The following ATXN1 variants were observed in gnomAD, a reference collection of about 807,000 sequenced individuals.
ATXN1 encodes the protein ataxin 1, also known as ataxin-1.
In ATXN1, 8 loss-of-function variants were observed where a neutral mutation model predicts 56.4. That is an observed-to-expected ratio of 0.14 (90% CI 0.08 to 0.26). ATXN1 has a LOEUF of 0.26. ATXN1 is among the 10% of genes least tolerant of loss of function. The pLI is 1.00. For missense variants in ATXN1, 987 were observed against 1,106.5 expected (o/e 0.89, Z 1.53); for synonymous variants, 514 against 494.6 (o/e 1.04, Z -0.52).
At chr6:16,558,346 T>C (rs1762052965) in intron 4 of ATXN1, among the ~76,000 whole-genome samples, 1 of 148,716 alleles carries the variant, frequency 6.7e-6, no homozygotes, top group Non-Finnish European at 1.5e-5. Context: ...TTTTACGATA[T>C]ATGAATCATA....
chr6:16,743,211 A>G (rs1309632776), intron 2 of ATXN1, among the ~76,000 whole-genome samples: 2 of 152,242 alleles, frequency 1.3e-5, no homozygotes, highest in Non-Finnish European at 2.9e-5. Context: ...TTGTGTGGTT[A>G]TAAGTGCAGT....
intron 6 of ATXN1, among the ~76,000 whole-genome samples, chr6:16,350,067 G>A (rs1761534466): frequency 6.6e-6 from 1 of 152,150 alleles, no homozygotes; most frequent in Non-Finnish European, 1.5e-5. Flanking sequence ...AATTCCCAAT[G>A]AAAGATAAAT....
chr6:16,717,513 A>G (rs1458852774), intron 2 of ATXN1, among the ~76,000 whole-genome samples: 2 of 152,246 alleles, frequency 1.3e-5, no homozygotes, highest in African/African-American at 4.8e-5. Flanking sequence ...TGATACCTGC[A>G]GCCAGAGAGC....
At position 16,470,894 on chromosome 6, in the gene ATXN1, C is replaced by T. The variant is rs114944342; in HGVS notation, c.-161+15078G>A. Among the ~76,000 whole-genome samples the T allele has an allele frequency of 5.2e-3, 785 of 152,154 alleles. 5 individuals carry two copies. The highest frequency in any genetic ancestry group is 9.5e-3 in the Non-Finnish European group (648 of 67,996). Reference sequence around the variant, plus strand: ...TTAGCCTTTGAAAAATGCAATTATCCTAGCCAAGGTCTCTATCAGCTTAAT... The same window carrying T: ...TTAGCCTTTGAAAAATGCAATTATCTTAGCCAAGGTCTCTATCAGCTTAAT... On this transcript the variant is annotated intron_variant, in intron 6 of 7. Coordinates refer to ENST00000436367, the MANE Select transcript of ATXN1 (RefSeq NM_001128164.2).
intron 6 of ATXN1, among the ~76,000 whole-genome samples, chr6:16,440,696 T>C (rs1759500367): frequency 6.9e-6 from 1 of 144,694 alleles, no homozygotes; most frequent in South Asian, 2.2e-4. Flanking sequence ...GGGAAGATGA[T>C]GGCACCAGTG....
intron 3 of ATXN1, among the ~76,000 whole-genome samples, chr6:16,640,088 G>A (rs191787857): frequency 4.8e-4 from 73 of 151,820 alleles, no homozygotes; most frequent in Non-Finnish European, 5.6e-4. Context: ...TTGAAGTTCT[G>A]TGGCAACCCC....
chr6:16,677,522 G>A (rs1057084641), intron 2 of ATXN1, among the ~76,000 whole-genome samples: 7 of 152,060 alleles, frequency 4.6e-5, no homozygotes, highest in African/African-American at 1.4e-4. Flanking sequence ...TCCACAAAGA[G>A]CAAAAAGATG....
At chr6:16,669,013 C>T (rs959534453) in intron 2 of ATXN1, among the ~76,000 whole-genome samples, 1 of 152,074 alleles carries the variant, frequency 6.6e-6, no homozygotes, top group Non-Finnish European at 1.5e-5. Flanking sequence ...GTGCTGTACA[C>T]TTTGTATAAA....
chr6:16,652,338 G>A (rs1763909306), intron 3 of ATXN1, among the ~76,000 whole-genome samples: 2 of 152,172 alleles, frequency 1.3e-5, no homozygotes, highest in Admixed American at 1.3e-4. Context: ...GATTTAGGTG[G>A]CTGTTTGGAA....
chr6:16,646,588 C>T (rs1232598597), intron 3 of ATXN1, among the ~76,000 whole-genome samples: 3 of 152,240 alleles, frequency 2.0e-5, no homozygotes, highest in East Asian at 3.8e-4. Context: ...CCACAGCTTT[C>T]CTCAAATATG....
rs189946004 is a variant in ATXN1 at position 16,609,734 on chromosome 6, T to C, written c.-488-23827A>G. The stretch of plus-strand genomic sequence containing the variant: ...CTGGCAACATTGGGCTTATAAGGAC[T>C]TGGTTAACAAAACAAGAAACATCCA... On this transcript the variant is annotated intron_variant, in intron 3 of 7. Transcript: ENST00000436367. 1.6e-3 allele frequency among the ~76,000 whole-genome samples: 245 copies of C among 152,280 alleles called. 1 individual carries two copies. The highest frequency in any genetic ancestry group is 2.9e-3 in the Non-Finnish European group (200 of 68,022).
Position 16,663,066 on chromosome 6 carries a change from G to A in ATXN1, c.-614-5165C>T, listed in dbSNP as rs190824032. On this transcript the variant is annotated intron_variant, in intron 2 of 7. Transcript: ENST00000436367. Reference sequence around the variant, plus strand: ...CGGCTCGCTGCAACCTCTGCCTCCCGGGTTCAAGCGATTCTCCTGCCTCAG... The same window carrying A: ...CGGCTCGCTGCAACCTCTGCCTCCCAGGTTCAAGCGATTCTCCTGCCTCAG... Among the ~76,000 whole-genome samples the A allele has an allele frequency of 3.4e-3, 507 of 147,460 alleles. 14 individuals carry two copies. The highest frequency in any genetic ancestry group is 0.01 in the East Asian group (50 of 4,794).
At chr6:16,684,711 C>G (rs1758881570) in intron 2 of ATXN1, among the ~76,000 whole-genome samples, 2 of 152,108 alleles carry the variant, frequency 1.3e-5, no homozygotes, top group South Asian at 4.1e-4. Context: ...TCAGTAAAAC[C>G]TCAATCATTT....
intron 6 of ATXN1, among the ~76,000 whole-genome samples, chr6:16,382,154 G>A (rs1758138754): frequency 1.3e-5 from 2 of 152,024 alleles, no homozygotes; most frequent in Admixed American, 6.6e-5. Context: ...GACCAGCCTG[G>A]GCAACATAGC....
At chr6:16,356,677 C>A (rs1761693866) in intron 6 of ATXN1, among the ~76,000 whole-genome samples, 1 of 152,126 alleles carries the variant, frequency 6.6e-6, no homozygotes. Flanking sequence ...GTTTGAAATT[C>A]TTTGGGGGAA....
rs192369370 is a variant in ATXN1, at chr6:16,700,047, T to C, written c.-614-42146A>G. On this transcript the variant is annotated intron_variant, in intron 2 of 7. Transcript: ENST00000436367. Reference sequence around the variant, plus strand: ...CACAAAATAAACTATTATTAAGCCATGGAAGCTTACTCTGTATTCTCACTC... The same window carrying C: ...CACAAAATAAACTATTATTAAGCCACGGAAGCTTACTCTGTATTCTCACTC... 1.4e-3 allele frequency among the ~76,000 whole-genome samples: 217 copies of C among 152,342 alleles called. 2 individuals carry two copies. The highest frequency in any genetic ancestry group is 5.1e-3 in the African/African-American group (210 of 41,584).
intron 5 of ATXN1, among the ~76,000 whole-genome samples, chr6:16,495,897 T>C (rs1187270148): frequency 6.6e-6 from 1 of 151,922 alleles, no homozygotes; most frequent in African/African-American, 2.4e-5. Flanking sequence ...TTATTATTGG[T>C]ATATTAGTAA....
intron 4 of ATXN1, among the ~76,000 whole-genome samples, chr6:16,553,138 G>A (rs1241760090): frequency 6.6e-5 from 10 of 152,178 alleles, no homozygotes; most frequent in African/African-American, 1.2e-4. Context: ...CATTGGCAGC[G>A]CCAGGACACA....
chr6:16,530,420 T>G (rs1282512250), intron 4 of ATXN1, among the ~76,000 whole-genome samples: 2 of 152,188 alleles, frequency 1.3e-5, no homozygotes, highest in African/African-American at 4.8e-5. Flanking sequence ...ACTCAAAAAG[T>G]TAGTGAAGCA....
Sources: gnomAD v4.1 joint callset for allele counts (sites outside exome capture counted in the v4.1 genomes callset) on GRCh38, gnomAD v4.1.1 for gene constraint, MANE v1.5 for transcripts, NCBI Gene and HGNC (gene_info 2026-07-23, HGNC 2026-07-21) for gene names.